Variants in NAV3 observed in about 807,000 individuals in gnomAD.
NAV3 encodes the protein pore membrane and/or filament interacting like protein 1.
Under a neutral mutation model 244.7 loss-of-function variants are expected in NAV3, and 87 were observed. The observed-to-expected ratio is 0.36, with a 90% CI of 0.30 to 0.42. The LOEUF is 0.42. NAV3 is among the 20% of genes least tolerant of loss of function. The pLI is 1.00. For synonymous variants in NAV3, 1,126 were observed against 1,042.2 expected, an observed-to-expected ratio of 1.08 and a Z score of -1.55; for missense variants, 2,663 against 2,893.3, an observed-to-expected ratio of 0.92 and a Z score of 1.83.
At chr12:77,632,528 G>T (rs1483155883) in intron 2 of NAV3, among the ~76,000 whole-genome samples, 1 of 152,084 alleles carries the variant, frequency 6.6e-6, no homozygotes. Flanking sequence ...GAACATCAGG[G>T]CAAAGACCCA....
chr12:78,048,735 G>A (rs1481944883), intron 9 of NAV3, among the ~76,000 whole-genome samples: 1 of 152,206 alleles, frequency 6.6e-6, no homozygotes, highest in Non-Finnish European at 1.5e-5. Context: ...CCTTAGCGGA[G>A]CTAGAACACT....
intron 16 of NAV3, among the ~76,000 whole-genome samples, chr12:78,122,908 T>TAA (rs61235295): frequency 6.9e-6 from 1 of 144,292 alleles, no homozygotes; most frequent in Non-Finnish European, 1.5e-5. Context: ...TTGGCCTGGT[T>TAA]AAAAAAAAAA....
At chr12:78,171,840 A>T (rs1323731568) in intron 24 of NAV3, among the ~76,000 whole-genome samples, 2 of 151,600 alleles carry the variant, frequency 1.3e-5, no homozygotes, top group Non-Finnish European at 3.0e-5. Context: ...TTGGAATGAC[A>T]CAACAGTTTT....
chr12:77,669,992 A>C (rs1873893078), intron 2 of NAV3, among the ~76,000 whole-genome samples: 1 of 152,136 alleles, frequency 6.6e-6, no homozygotes, highest in Non-Finnish European at 1.5e-5. Context: ...AAAAATACAA[A>C]AGATAAATGA....
intron 12 of NAV3, among the ~76,000 whole-genome samples, chr12:78,097,752 G>C (rs1365354051): frequency 6.6e-6 from 1 of 152,118 alleles, no homozygotes; most frequent in Non-Finnish European, 1.5e-5. Flanking sequence ...AAACAGAACA[G>C]ATTACTGTTT....
At chr12:78,192,226 AT>A (rs1188717394) in intron 34 of NAV3, among the ~76,000 whole-genome samples, 5 of 151,844 alleles carry the variant, frequency 3.3e-5, no homozygotes, top group Non-Finnish European at 7.4e-5. Flanking sequence ...CGACACTCTT[AT>A]TTTTTGCTTT....
At chr12:77,666,439 G>T (rs141770335) in intron 2 of NAV3, among the ~76,000 whole-genome samples, 1 of 151,814 alleles carries the variant, frequency 6.6e-6, no homozygotes, top group African/African-American at 2.4e-5. Context: ...GAAGAGAGAC[G>T]CTATTTAATC....
At chr12:77,752,329 C>T (rs2135803680) in intron 2 of NAV3, among the ~76,000 whole-genome samples, 1 of 152,192 alleles carries the variant, frequency 6.6e-6, no homozygotes, top group East Asian at 1.9e-4. Flanking sequence ...CTAAAGGGAT[C>T]TATAGACAGG....
chr12:77,823,929 C>G (rs891412698), intron 2 of NAV3, among the ~76,000 whole-genome samples: 1 of 151,874 alleles, frequency 6.6e-6, no homozygotes, highest in African/African-American at 2.4e-5. Context: ...GAAAAGACAC[C>G]CAAATGGAAC....
chr12:77,842,870 G>A (rs1875931029), intron 1 of NAV3, among the ~76,000 whole-genome samples: 1 of 152,148 alleles, frequency 6.6e-6, no homozygotes, highest in Non-Finnish European at 1.5e-5. Context: ...TTGTATCCAG[G>A]TTTCTCCTTC....
chr12:77,900,256 T>G (rs1885120436), intron 1 of NAV3, among the ~76,000 whole-genome samples: 1 of 152,056 alleles, frequency 6.6e-6, no homozygotes, highest in Admixed American at 6.5e-5. Context: ...TTTTGTATTT[T>G]TAGTAGAGAC....
At chr12:78,200,993 ACTCCCTCC>A (rs371740265) in intron 38 of NAV3, among the ~76,000 whole-genome samples, 10 of 105,532 alleles carry the variant, frequency 9.5e-5, no homozygotes, top group Non-Finnish European at 1.8e-4. Flanking sequence ...TTCCTTCCTC[ACTCCCTCC>A]CTCCCTCCCT....
chr12:78,186,493 T>A (rs1385564445), intron 31 of NAV3, among the ~76,000 whole-genome samples: 2 of 151,912 alleles, frequency 1.3e-5, no homozygotes, highest in African/African-American at 2.4e-5. Context: ...TGCAGATGTG[T>A]ACCTACTTTT....
intron 28 of NAV3, 58 bp from the exon 29 acceptor site, chr12:78,179,471 G>T (rs1168140991): frequency 6.2e-7 from 1 of 1,603,774 alleles, no homozygotes; most frequent in Non-Finnish European, 8.5e-7. Flanking sequence ...AAGAGGCAGT[G>T]CTTTTCTTAA....
chr12:78,069,186 G>A (rs1952628016), intron 12 of NAV3, among the ~76,000 whole-genome samples: 1 of 151,754 alleles, frequency 6.6e-6, no homozygotes, highest in Admixed American at 6.6e-5. Context: ...AATAGTTAAA[G>A]TTATTTGCAA....
intron 7 of NAV3, among the ~76,000 whole-genome samples, chr12:78,001,186 A>G (rs758345839): frequency 1.2e-4 from 18 of 152,140 alleles, no homozygotes; most frequent in Non-Finnish European, 2.4e-4. Flanking sequence ...AGAGTTAAGA[A>G]CTTTTAAAAC....
At chr12:77,999,198 A>G (rs899410087) in intron 7 of NAV3, among the ~76,000 whole-genome samples, 17 of 152,230 alleles carry the variant, frequency 1.1e-4, no homozygotes, top group African/African-American at 4.1e-4. Flanking sequence ...TTACACCTCA[A>G]TCATGAGGAA....
chr12:77,576,999 G>A, intron 2 of NAV3, among the ~76,000 whole-genome samples: 1 of 152,064 alleles, frequency 6.6e-6, no homozygotes, highest in East Asian at 1.9e-4. Flanking sequence ...TGTAGTGTCA[G>A]TTTCAACAAA....
At chr12:77,848,370 G>T (rs1876974666) in intron 1 of NAV3, among the ~76,000 whole-genome samples, 1 of 152,194 alleles carries the variant, frequency 6.6e-6, no homozygotes, top group African/African-American at 2.4e-5. Context: ...AAACAGCCAT[G>T]TTAAAATAAC....
Sources: allele counts gnomAD v4.1 joint callset (sites outside exome capture counted in the v4.1 genomes callset), GRCh38; gene constraint gnomAD v4.1.1; transcripts MANE v1.5; gene names NCBI Gene and HGNC (gene_info 2026-07-23, HGNC 2026-07-21).